Variants in MAGI2 observed in about 807,000 individuals in gnomAD.
The protein encoded by MAGI2 is membrane associated guanylate kinase, WW and PDZ domain containing 2, also known as membrane-associated guanylate kinase, WW and PDZ domain-containing protein 2.
MAGI2 carries 35 observed loss-of-function variants against 133.3 expected under a neutral mutation model. The observed-to-expected ratio is 0.26, with a 90% confidence interval of 0.20 to 0.35. The LOEUF is 0.35. MAGI2 is among the 10% of genes least tolerant of loss of function. MAGI2 has a pLI of 1.00. For missense variants in MAGI2, 1,636 were observed against 1,863.4 expected (o/e 0.88, Z 2.25); for synonymous variants, 729 against 710.6 (o/e 1.03, Z -0.41).
At chr7:78,297,927 T>C (rs1451170883) in intron 9 of MAGI2, among the ~76,000 whole-genome samples, 3 of 149,234 alleles carry the variant, frequency 2.0e-5, no homozygotes, top group African/African-American at 7.5e-5. Context: ...ATGGCACATG[T>C]ATACATATGT....
In MAGI2 at chr7:78,557,988, A is replaced by T. The variant is rs555212100; in HGVS notation, c.539-36343T>A. Among the ~76,000 whole-genome samples, 1,023 of 150,084 alleles carry T rather than the reference A, an allele frequency of 6.8e-3. 8 individuals carry two copies. The highest frequency in any genetic ancestry group is 0.024 in the Middle Eastern group (7 of 294). On this transcript the variant is annotated intron_variant, in intron 3 of 21. Transcript: ENST00000354212. The stretch of plus-strand genomic sequence containing the variant: ...TTTATTGGAACTCTTTTTTTTTTTT[A>T]AAAAATAGTTGATTGTGTATGTGAC...
At chr7:78,573,154 C>CTA (rs1170648202) in intron 3 of MAGI2, among the ~76,000 whole-genome samples, 2 of 76,428 alleles carry the variant, frequency 2.6e-5, no homozygotes, top group Non-Finnish European at 4.9e-5. Flanking sequence ...TATATATAGG[C>CTA]TATATATATA....
At position 78,596,953 on chromosome 7, in the gene MAGI2, T is replaced by G. The variant is rs1202508745; in HGVS notation, c.538+30167A>C. 2.6e-5 allele frequency among the ~76,000 whole-genome samples: 4 copies of G among 152,304 alleles called. No individual in the cohort carries two copies. In the South Asian group the frequency reaches 8.3e-4, roughly 32 times the overall value. On this transcript the variant is annotated intron_variant, in intron 3 of 21. Coordinates refer to ENST00000354212, the MANE Select transcript of MAGI2 (RefSeq NM_012301.4). Reference sequence around the variant, plus strand: ...TGTACGGAGCCTATTTTAATCTATGTGGCAGGCAGATCTGAGTGAATACAG... The same window carrying G: ...TGTACGGAGCCTATTTTAATCTATGGGGCAGGCAGATCTGAGTGAATACAG...
At chr7:79,199,083 C>A (rs958113310) in intron 1 of MAGI2, among the ~76,000 whole-genome samples, 20 of 151,798 alleles carry the variant, frequency 1.3e-4, no homozygotes, top group Non-Finnish European at 2.8e-4. Flanking sequence ...TTAAACATTA[C>A]GAAATCCACA....
At chr7:78,673,065 A>G (rs2151076689) in intron 2 of MAGI2, among the ~76,000 whole-genome samples, 1 of 152,264 alleles carries the variant, frequency 6.6e-6, no homozygotes, top group Middle Eastern at 3.4e-3. Context: ...TCTTTTATCA[A>G]TACCTTTGTT....
At chr7:78,604,271 G>A (rs1351720484) in intron 3 of MAGI2, among the ~76,000 whole-genome samples, 4 of 152,180 alleles carry the variant, frequency 2.6e-5, no homozygotes, top group Admixed American at 6.5e-5. Flanking sequence ...AAGAAGCATG[G>A]TGCATTTGAA....
intron 16 of MAGI2, among the ~76,000 whole-genome samples, chr7:78,136,651 A>T (rs1203934066): frequency 1.3e-5 from 2 of 152,168 alleles, no homozygotes; most frequent in Non-Finnish European, 2.9e-5. Flanking sequence ...CAGCTCAGAA[A>T]CCTGTCAATA....
In MAGI2 at chr7:78,738,429, G is replaced by A. The variant is rs1248248889; in HGVS notation, c.419-111190C>T. Among the ~76,000 whole-genome samples, 3 of 151,962 alleles carry A rather than the reference G, an allele frequency of 2.0e-5. No homozygotes were observed. In the East Asian group the frequency reaches 5.8e-4, roughly 29 times the overall value. ...ATTTAGGGTAATTTATGTTATTTCA[G>A]GTAAAAACATTTGACTTCCTAAACA... On this transcript the variant is annotated intron_variant, in intron 2 of 21. Transcript: ENST00000354212.
At chr7:78,391,833 G>A (rs1477678621) in intron 6 of MAGI2, among the ~76,000 whole-genome samples, 2 of 152,160 alleles carry the variant, frequency 1.3e-5, no homozygotes, top group East Asian at 1.9e-4. Context: ...CTGAATTTGT[G>A]TTGAGTCATT....
At chr7:78,440,433 TGGTGG>T (rs1787500096) in intron 6 of MAGI2, among the ~76,000 whole-genome samples, 1 of 151,796 alleles carries the variant, frequency 6.6e-6, no homozygotes, top group Non-Finnish European at 1.5e-5. Flanking sequence ...AAATGAAAGG[TGGTGG>T]GTTGGAAAAG....
At chr7:78,458,698 G>A (rs946311974) in intron 6 of MAGI2, among the ~76,000 whole-genome samples, 8 of 150,548 alleles carry the variant, frequency 5.3e-5, no homozygotes, top group Non-Finnish European at 8.9e-5. Context: ...GCAGTGGCAC[G>A]ATCTCGGCTC....
intron 1 of MAGI2, among the ~76,000 whole-genome samples, chr7:79,255,663 G>C (rs1490690426): frequency 6.6e-6 from 1 of 152,112 alleles, no homozygotes; most frequent in African/African-American, 2.4e-5. Context: ...ACAACAGCAG[G>C]TGTGGAAATC....
intron 1 of MAGI2, among the ~76,000 whole-genome samples, chr7:79,310,162 CAAAAAAAAAAAAAAAA>C (rs71518921): frequency 1.2e-4 from 2 of 16,302 alleles, no homozygotes; most frequent in Admixed American, 9.6e-4. Flanking sequence ...GAGTCCATCT[CAAAAAAAAAAAAAAAA>C]AAAAAAAAAA....
intron 21 of MAGI2, among the ~76,000 whole-genome samples, chr7:78,023,075 A>G (rs971456995): frequency 6.6e-6 from 1 of 152,154 alleles, no homozygotes; most frequent in African/African-American, 2.4e-5. Context: ...AGTACGAAAC[A>G]TATGGTGTCT....
chr7:79,182,936 C>T lies in MAGI2; in HGVS notation c.302-175730G>A, dbSNP rs574346910. 4.6e-5 allele frequency among the ~76,000 whole-genome samples: 7 copies of T among 151,886 alleles called. 2 individuals are homozygous for T. Among genetic ancestry groups the T allele is most frequent in the African/African-American group, 1.7e-4 (7 of 41,358 alleles). The stretch of plus-strand genomic sequence containing the variant: ...AAACTGGAGGTTACGAGAAATAAGC[C>T]ATGCATAGAAAGACAAATATTGCAT... On this transcript the variant is annotated intron_variant, in intron 1 of 21. Coordinates refer to ENST00000354212, the MANE Select transcript of MAGI2 (RefSeq NM_012301.4).
At chr7:78,099,310 T>C (rs780189344) in intron 20 of MAGI2, among the ~76,000 whole-genome samples, 3 of 152,184 alleles carry the variant, frequency 2.0e-5, no homozygotes, top group Non-Finnish European at 2.9e-5. Context: ...ACATTTTCTT[T>C]AATGAAATAT....
intron 1 of MAGI2, among the ~76,000 whole-genome samples, chr7:79,061,630 T>C (rs945475133): frequency 6.6e-6 from 1 of 152,102 alleles, no homozygotes; most frequent in African/African-American, 2.4e-5. Flanking sequence ...AATTTATAAC[T>C]GGGACCAAGA....
intron 1 of MAGI2, among the ~76,000 whole-genome samples, chr7:79,211,286 A>AT (rs969347366): frequency 6.6e-6 from 1 of 151,148 alleles, no homozygotes; most frequent in Admixed American, 6.6e-5. Flanking sequence ...CTTTTTATTT[A>AT]TTTTTTTTAA....
chr7:78,768,932 C>A (rs1025142389), intron 2 of MAGI2, among the ~76,000 whole-genome samples: 3 of 152,098 alleles, frequency 2.0e-5, no homozygotes, highest in Non-Finnish European at 4.4e-5. Flanking sequence ...TCGCACACCC[C>A]CAAACAACAC....
Sources: allele counts gnomAD v4.1 joint callset (sites outside exome capture counted in the v4.1 genomes callset), GRCh38; gene constraint gnomAD v4.1.1; transcripts MANE v1.5; gene names NCBI Gene and HGNC (gene_info 2026-07-23, HGNC 2026-07-21).